Variants in TMEM50B observed in about 807,000 individuals in gnomAD.
TMEM50B encodes transmembrane protein 50B, also known as HCV p7-trans-regulated protein 3.
TMEM50B carries 14 observed loss-of-function variants against 23.4 expected under a neutral mutation model. The observed-to-expected ratio is 0.60, with a 90% CI of 0.39 to 0.93. The LOEUF (loss-of-function observed/expected upper bound fraction) is 0.93. Ranked by LOEUF, TMEM50B falls within the 40% of genes least tolerant of loss-of-function variation. TMEM50B has a pLI of 0.00. For synonymous variants in TMEM50B, 64 were observed against 62.3 expected (o/e 1.03, Z -0.13); for missense variants, 159 against 193.0 (o/e 0.82, Z 1.04).
rs143198588 is a variant in TMEM50B at position 33,436,866 on chromosome 21, G to A, written c.*2120+2348C>T. ...CAACTCAGCCCATCTTAGAGGCCTT[G>A]GACAAGGACAGCTCACCAAAGGATG... On this transcript the variant is annotated intron_variant and NMD_transcript_variant, in intron 8 of 8. Coordinates refer to the TMEM50B transcript ENST00000420455. The A allele has an allele frequency of 1.5e-5, 24 of 1,613,940 alleles. No homozygotes were observed. The East Asian group carries it at 3.1e-4, about 21-fold the overall frequency.
intron 1 of TMEM50B, among the ~76,000 whole-genome samples, chr21:33,472,800 A>G (rs912526176): frequency 6.6e-6 from 1 of 152,054 alleles, no homozygotes; most frequent in Non-Finnish European, 1.5e-5. Flanking sequence ...TGAACCTGGG[A>G]GGCGGAGGTT....
At chr21:33,473,159 CA>C (rs55661883) in intron 1 of TMEM50B, among the ~76,000 whole-genome samples, 1 of 151,480 alleles carries the variant, frequency 6.6e-6, no homozygotes, top group African/African-American at 2.4e-5. Context: ...CGCTTTAAGA[CA>C]AAAAAAATCA....
intron 6 of TMEM50B, among the ~76,000 whole-genome samples, chr21:33,452,101 C>T (rs2084126991): frequency 6.6e-6 from 1 of 152,222 alleles, no homozygotes; most frequent in African/African-American, 2.4e-5. Flanking sequence ...GTGGATTCAT[C>T]TACCACCACA....
At chr21:33,440,357 G>GC (rs1335229772) in intron 7 of TMEM50B, among the ~76,000 whole-genome samples, 1 of 152,264 alleles carries the variant, frequency 6.6e-6, no homozygotes, top group Non-Finnish European at 1.5e-5. Flanking sequence ...GGAGGCTGAG[G>GC]TGGGCGGATC....
chr21:33,464,184 A>G (rs956991230), intron 4 of TMEM50B, among the ~76,000 whole-genome samples: 3 of 147,954 alleles, frequency 2.0e-5, no homozygotes, highest in African/African-American at 7.3e-5. Context: ...TAATTTCTTC[A>G]TATTATAATG....
intron 4 of TMEM50B, among the ~76,000 whole-genome samples, chr21:33,464,696 C>T (rs868231209): frequency 1.1e-4 from 17 of 148,272 alleles, no homozygotes; most frequent in Non-Finnish European, 1.9e-4. Flanking sequence ...TCCCAGCTCT[C>T]GGGAGGGTGA....
chr21:33,435,233 C>T lies in TMEM50B; in HGVS notation c.*2121-2431G>A, dbSNP rs17882515. ...TTTATATGTTAAGGCCTAAGGCCCT[C>T]GCTCCCAGATTCTCTGCTTGCTGTG... On this transcript the variant is annotated intron_variant and NMD_transcript_variant, in intron 8 of 8. Coordinates refer to the TMEM50B transcript ENST00000420455. Among the ~76,000 whole-genome samples, 655 of 152,296 alleles carry T rather than the reference C, an allele frequency of 4.3e-3. 6 individuals carry two copies. Among genetic ancestry groups the T allele is most frequent in the African/African-American group, 0.015 (620 of 41,576 alleles).
At chr21:33,442,638 T>A (rs1288740307) in intron 7 of TMEM50B, among the ~76,000 whole-genome samples, 1 of 151,958 alleles carries the variant, frequency 6.6e-6, no homozygotes, top group African/African-American at 2.4e-5. Flanking sequence ...AAATGATATG[T>A]GGCCAGGCGC....
At chr21:33,477,973 A>G (rs925280086) in intron 1 of TMEM50B, among the ~76,000 whole-genome samples, 1 of 151,398 alleles carries the variant, frequency 6.6e-6, no homozygotes, top group Non-Finnish European at 1.5e-5. Context: ...GTCTTTACTA[A>G]AAATACAAAA....
intron 1 of TMEM50B, among the ~76,000 whole-genome samples, chr21:33,476,356 T>C (rs1051632855): frequency 5.3e-5 from 8 of 151,488 alleles, no homozygotes; most frequent in African/African-American, 1.9e-4. Flanking sequence ...GCACTCCAGC[T>C]TGGGCAACAA....
intron 7 of TMEM50B, among the ~76,000 whole-genome samples, chr21:33,440,594 T>A (rs117295018): frequency 4.9e-5 from 7 of 142,618 alleles, no homozygotes; most frequent in Middle Eastern, 4.2e-3. Context: ...AAAATAATAA[T>A]AAAATAGGCC....
chr21:33,449,331 G>C lies in TMEM50B; in HGVS notation c.*1487C>G, dbSNP rs1015166693. The C allele has an allele frequency of 3.3e-5, 5 of 150,964 alleles. No individual in the cohort carries two copies. Among genetic ancestry groups the C allele is most frequent in the African/African-American group, 4.8e-5 (2 of 41,372 alleles). 9.4% of individuals were successfully genotyped at this position (150,964 alleles called of 1,614,324 possible). On this transcript the variant is annotated 3_prime_UTR_variant, in exon 7 of 7. Transcript: ENST00000542230. ...CAACTGCTTCATACTCTGTGCACAAGAAATCCTCTCAAGAGAGAGGAGAGG... is the reference window on the plus strand; with the variant it reads ...CAACTGCTTCATACTCTGTGCACAACAAATCCTCTCAAGAGAGAGGAGAGG...
downstream of TMEM50B, among the ~76,000 whole-genome samples, chr21:33,448,611 G>C (rs1330208584): frequency 6.6e-6 from 1 of 152,054 alleles, no homozygotes; most frequent in African/African-American, 2.4e-5. Flanking sequence ...CTCCCAAGTA[G>C]CTGGGACTAC....
At position 33,449,875 on chromosome 21, in the gene TMEM50B, G is replaced by A. The variant is rs1216978345; in HGVS notation, c.*943C>T. 6.6e-6 allele frequency: 1 copy of A among 152,606 alleles called. No homozygotes were observed. Among genetic ancestry groups the A allele is most frequent in the Non-Finnish European group, 1.5e-5 (1 of 68,034 alleles). The allele number at this position is 152,606 out of a possible 1,614,324, so 9.5% of individuals were successfully genotyped here. A position where few individuals can be genotyped will look rare whatever the true frequency, so the allele number is the denominator to read the frequency against. Reference sequence around the variant, plus strand: ...CTGCTTTTACGAGAAGCATGGTGCTGAGCTGCCTTACACAGTCTTTTTACA... The same window carrying A: ...CTGCTTTTACGAGAAGCATGGTGCTAAGCTGCCTTACACAGTCTTTTTACA... On this transcript the variant is annotated 3_prime_UTR_variant, in exon 7 of 7. Transcript: ENST00000542230.
At chr21:33,436,737 AAAAAT>A (rs1037390167) in intron 8 of TMEM50B, 42 of 1,020,060 alleles carry the variant, frequency 4.1e-5, no homozygotes, top group African/African-American at 1.6e-4. Flanking sequence ...AAATAAAAAT[AAAAAT>A]AAAATAAAAA....
intron 1 of TMEM50B, among the ~76,000 whole-genome samples, chr21:33,477,963 G>A (rs1601139934): frequency 2.0e-5 from 3 of 151,296 alleles, no homozygotes; most frequent in South Asian, 2.1e-4. Context: ...GTGAAAACCC[G>A]TCTTTACTAA....
At chr21:33,479,072 G>A (rs942742579) in intron 1 of TMEM50B, 57 of 292,436 alleles carry the variant, frequency 1.9e-4, no homozygotes, top group Non-Finnish European at 2.0e-4. Flanking sequence ...AGCCTAGCCC[G>A]TCTCACTGCT....
intron 8 of TMEM50B, chr21:33,437,169 A>G (rs538285299): frequency 3.3e-4 from 184 of 563,344 alleles, no homozygotes; most frequent in Non-Finnish European, 4.8e-4. Context: ...CAAATTCCAG[A>G]ATGATTTTAC....
chr21:33,455,973 T>C (rs1227714758), intron 5 of TMEM50B, 189 bp from the exon 6 acceptor site: 1 of 708,796 alleles, frequency 1.4e-6, no homozygotes, highest in East Asian at 2.7e-5. Flanking sequence ...AAAGGACTGC[T>C]CTTACTCTGG....
Sources: allele counts gnomAD v4.1 joint callset (sites outside exome capture counted in the v4.1 genomes callset), GRCh38; gene constraint gnomAD v4.1.1; transcripts MANE v1.5; gene names NCBI Gene and HGNC (gene_info 2026-07-23, HGNC 2026-07-21).